The following WNT8B variants were observed in gnomAD, a reference collection of about 807,000 sequenced individuals.
WNT8B encodes protein Wnt-8b.
In WNT8B, 24 loss-of-function variants were observed where a neutral mutation model predicts 36.6. The ratio of observed to expected loss-of-function variants is 0.66; its 90% CI spans 0.48 to 0.92. The LOEUF is 0.92. Ranked by LOEUF, WNT8B falls within the 40% of genes least tolerant of loss-of-function variation. WNT8B has a pLI of 0.00. For synonymous variants in WNT8B, 199 were observed against 189.8 expected (o/e 1.05, Z -0.40); for missense variants, 402 against 470.8 (o/e 0.85, Z 1.35).
In WNT8B at chr10:100,483,161, C is replaced by A; in HGVS notation, c.*345C>A. ...TCAAGCCTTAGGCGCTGGAAGAACC[C>A]TTCTCAGACACGCAGGACCCAGGTA... is the stretch of plus-strand genomic sequence containing the variant. On this transcript the variant is annotated 3_prime_UTR_variant, in exon 6 of 6. Transcript: ENST00000343737. 1 of 248,072 alleles carries A rather than the reference C, an allele frequency of 4.0e-6. No homozygotes were observed. Among genetic ancestry groups the A allele is most frequent in the Non-Finnish European group, 7.6e-6 (1 of 130,960 alleles). The allele number at this position is 248,072 out of a possible 1,614,324, so 15.4% of individuals were successfully genotyped here. A position where few individuals can be genotyped will look rare whatever the true frequency, so the allele number is the denominator to read the frequency against.
At chr10:100,468,080 T>C (rs575753460) in intron 1 of WNT8B, among the ~76,000 whole-genome samples, 30 of 152,218 alleles carry the variant, frequency 2.0e-4, no homozygotes, top group Non-Finnish European at 3.5e-4. Context: ...CAAAAGGGAA[T>C]AAGTCATTCA....
chr10:100,463,488 C>T (rs1850880292), intron 1 of WNT8B, among the ~76,000 whole-genome samples: 2 of 152,112 alleles, frequency 1.3e-5, no homozygotes, highest in African/African-American at 4.8e-5. Context: ...AAATATTCCC[C>T]CAAAGTGATT....
chr10:100,475,586 C>T (rs1851028978), intron 1 of WNT8B, among the ~76,000 whole-genome samples: 1 of 152,202 alleles, frequency 6.6e-6, no homozygotes, highest in South Asian at 2.1e-4. Context: ...GCTTAGACTC[C>T]TTTCACAGGA....
chr10:100,472,061 GCATGTGC>G lies in WNT8B; in HGVS notation c.69-6989_69-6983del, dbSNP rs921966361. ...AATACAAAAATTAGCCAGCATGGTG[GCATGTGC>G]CTGTAGTCCCAGCTACTCGGGAGGC... On this transcript the variant is annotated intron_variant, in intron 1 of 5. Transcript: ENST00000343737. Among the ~76,000 whole-genome samples the G allele has an allele frequency of 5.9e-5, 9 of 151,570 alleles. 1 individual carries two copies. Among genetic ancestry groups the G allele is most frequent in the Admixed American group, 3.9e-4 (6 of 15,256 alleles).
chr10:100,478,650 C>T (rs1384688430), intron 1 of WNT8B, among the ~76,000 whole-genome samples: 13 of 151,722 alleles, frequency 8.6e-5, no homozygotes, highest in South Asian at 2.1e-4. Flanking sequence ...GGCGCAATCT[C>T]GGCTCACTGC....
chr10:100,479,376 TC>T (rs1283819746), intron 2 of WNT8B, among the ~76,000 whole-genome samples: 2 of 152,186 alleles, frequency 1.3e-5, no homozygotes, highest in African/African-American at 4.8e-5. Context: ...CACATCCTTC[TC>T]AGTGCCCCGT....
chr10:100,469,995 C>T (rs1184497243), intron 1 of WNT8B, among the ~76,000 whole-genome samples: 1 of 152,222 alleles, frequency 6.6e-6, no homozygotes, highest in African/African-American at 2.4e-5. Flanking sequence ...GTCCTATATG[C>T]CTTCTGTGCT....
chr10:100,473,036 T>C (rs1371148465), intron 1 of WNT8B, among the ~76,000 whole-genome samples: 1 of 152,260 alleles, frequency 6.6e-6, no homozygotes, highest in African/African-American at 2.4e-5. Flanking sequence ...CTATCTTTTT[T>C]ATTTCAAAAT....
Position 100,482,805 on chromosome 10 carries a change from A to C in WNT8B, c.1045A>C (p.Arg349=). The change falls in exon 6 of 6, where the codon AGA becomes CGA. Residue 349 remains arginine (R), a synonymous_variant. Coordinates refer to ENST00000343737, the MANE Select transcript of WNT8B (RefSeq NM_003393.4). The surrounding 1 kb of genome is among the most constrained non-coding windows in gnomAD (Gnocchi z 6.6). ...PRGGAAHKPG[R]KP is the part of the protein sequence containing the mutation. ...GGGGGGCGCTGCGCACAAACCCGGGAGAAAACCCTAAGGGTTTCCTCTGCC... is the reference window on the plus strand; with the variant it reads ...GGGGGGCGCTGCGCACAAACCCGGGCGAAAACCCTAAGGGTTTCCTCTGCC... The C allele has an allele frequency of 6.4e-7, 1 of 1,570,498 alleles. No individual in the cohort carries two copies. The highest frequency in any genetic ancestry group is 1.8e-5 in the Admixed American group (1 of 55,742).
chr10:100,475,401 T>C (rs1851026718), intron 1 of WNT8B, among the ~76,000 whole-genome samples: 1 of 152,200 alleles, frequency 6.6e-6, no homozygotes, highest in African/African-American at 2.4e-5. Context: ...CAAGTCACTT[T>C]ATAGGAATGT....
At chr10:100,474,435 G>A (rs910793446) in intron 1 of WNT8B, among the ~76,000 whole-genome samples, 2 of 151,230 alleles carry the variant, frequency 1.3e-5, no homozygotes, top group Non-Finnish European at 2.9e-5. Context: ...CTTCCTTTTT[G>A]GTTCTCTTTG....
intron 1 of WNT8B, among the ~76,000 whole-genome samples, chr10:100,477,942 ATTT>A (rs34357304): frequency 1.6e-5 from 2 of 126,676 alleles, no homozygotes; most frequent in Non-Finnish European, 1.7e-5. Flanking sequence ...ATGCCTAGCT[ATTT>A]TTTTTTTTTT....
chr10:100,476,031 C>T (rs1410808140), intron 1 of WNT8B, among the ~76,000 whole-genome samples: 1 of 152,068 alleles, frequency 6.6e-6, no homozygotes, highest in Non-Finnish European at 1.5e-5. Context: ...GTGGCTCACG[C>T]CTGTAATCCC....
intron 1 of WNT8B, among the ~76,000 whole-genome samples, chr10:100,467,131 CA>C (rs1214988143): frequency 6.6e-6 from 1 of 152,180 alleles, no homozygotes; most frequent in African/African-American, 2.4e-5. Flanking sequence ...CCACTTTGGA[CA>C]GATGCTTCAG....
At position 100,482,984 on chromosome 10, in the gene WNT8B, A is replaced by G. The variant is rs1851139564; in HGVS notation, c.*168A>G. 5.3e-6 allele frequency: 4 copies of G among 758,184 alleles called. No homozygotes were observed. The highest frequency in any genetic ancestry group is 1.8e-5 in the African/African-American group (1 of 54,920). The allele number at this position is 758,184 out of a possible 1,614,324, so 47.0% of individuals were successfully genotyped here. On this transcript the variant is annotated 3_prime_UTR_variant, in exon 6 of 6. Coordinates refer to ENST00000343737, the MANE Select transcript of WNT8B (RefSeq NM_003393.4). This position sits in a 1 kb window ranked among gnomAD's most constrained non-coding sequence, Gnocchi z 6.6. The stretch of plus-strand genomic sequence containing the variant: ...TGCCACTTTCCAGCCTGTTTCCCCA[A>G]TTCCTCTGTGCTCTCCTAGAGCTCT...
chr10:100,466,265 A>T (rs890828481), intron 1 of WNT8B, among the ~76,000 whole-genome samples: 1 of 151,744 alleles, frequency 6.6e-6, no homozygotes, highest in South Asian at 2.1e-4. Flanking sequence ...CTTGGTTCAT[A>T]AAAAAAAGTG....
rs34357304 is a variant in WNT8B at position 100,477,942 on chromosome 10, A to ATTTTTTT, written c.69-1098_69-1092dup. Among the ~76,000 whole-genome samples the ATTTTTTT allele has an allele frequency of 2.9e-3, 369 of 126,676 alleles. 1 individual carries two copies. Among genetic ancestry groups the ATTTTTTT allele is most frequent in the African/African-American group, 0.011 (360 of 34,174 alleles). 83.1% of individuals were successfully genotyped at this position (126,676 alleles called of 152,430 possible). On this transcript the variant is annotated intron_variant, in intron 1 of 5. Coordinates refer to ENST00000343737, the MANE Select transcript of WNT8B (RefSeq NM_003393.4). ...CAGGCGCATACCACCATGCCTAGCT[A>ATTTTTTT]TTTTTTTTTTTTTTTTTTAGTAGAG...
chr10:100,482,427 G>A lies in WNT8B; in HGVS notation c.667G>A (p.Gly223Ser). ...AGCACTCAAGGTGGACCTGCTGCAG[G>A]GTGCTGGCAACAGCGCGGCCGGCCG... ...HAALKVDLLQ[G>S]AGNSAAGRGA... The change falls in exon 6 of 6, where the codon GGT becomes AGT. Residue 223 changes from glycine to serine, a missense_variant. By Grantham distance (56) the Gly-to-Ser change is moderately conservative. Coordinates refer to ENST00000343737, the MANE Select transcript of WNT8B (RefSeq NM_003393.4). The surrounding 1 kb of genome is among the most constrained non-coding windows in gnomAD (Gnocchi z 6.6). 6.2e-7 allele frequency: 1 copy of A among 1,606,844 alleles called. No homozygotes were observed. The highest frequency in any genetic ancestry group is 8.5e-7 in the Non-Finnish European group (1 of 1,179,922).
At chr10:100,470,795 G>A (rs1205637675) in intron 1 of WNT8B, among the ~76,000 whole-genome samples, 6 of 152,162 alleles carry the variant, frequency 3.9e-5, no homozygotes, top group East Asian at 3.9e-4. Flanking sequence ...AGGCTGGAGC[G>A]CAGTGGCGCA....
Sources: gnomAD v4.1 joint callset for allele counts (sites outside exome capture counted in the v4.1 genomes callset) on GRCh38, gnomAD v4.1.1 for gene constraint, Gnocchi (gnomAD v3.1) non-coding constraint, MANE v1.5 for transcripts, NCBI Gene and HGNC (gene_info 2026-07-23, HGNC 2026-07-21) for gene names.